COG6: variants seen among roughly 807,000 people sequenced by gnomAD.
COG6 encodes the protein conserved oligomeric Golgi complex subunit 6.
COG6 carries 74 observed loss-of-function variants against 88.8 expected under a neutral mutation model. The ratio of observed to expected loss-of-function variants is 0.83; its 90% CI spans 0.69 to 1.01. The LOEUF (loss-of-function observed/expected upper bound fraction) is 1.01. Among genes scored for constraint, COG6 ranks in the 50% least tolerant of loss-of-function variants. The pLI is 0.00. For synonymous variants in COG6, 286 were observed against 278.7 expected, an observed-to-expected ratio of 1.03 and a Z score of -0.26; for missense variants, 800 against 797.9, an observed-to-expected ratio of 1.00 and a Z score of -0.03.
In COG6 at chr13:39,779,559, A is replaced by G. The variant is rs143664353; in HGVS notation, c.1827-8776A>G. 8.7e-4 allele frequency among the ~76,000 whole-genome samples: 133 copies of G among 152,330 alleles called. 1 individual carries two copies. The highest frequency in any genetic ancestry group is 8.3e-3 in the Admixed American group (127 of 15,298). On this transcript the variant is annotated intron_variant, in intron 18 of 18. Transcript: ENST00000416691. The stretch of plus-strand genomic sequence containing the variant: ...TGCCAGCCAGGCTATGTGACTTCTC[A>G]GGTTCAACATCATGGAGATGAGAAA...
At chr13:39,693,587 A>T (rs1877099765) in intron 11 of COG6, among the ~76,000 whole-genome samples, 1 of 152,002 alleles carries the variant, frequency 6.6e-6, no homozygotes, top group African/African-American at 2.4e-5. Flanking sequence ...ATATTTTTTA[A>T]GTTCAAATGC....
At chr13:39,746,928 G>C (rs1350764921) in intron 18 of COG6, among the ~76,000 whole-genome samples, 2 of 152,044 alleles carry the variant, frequency 1.3e-5, no homozygotes, top group East Asian at 3.8e-4. Flanking sequence ...ATGTATATGT[G>C]ATGTATTTAT....
rs78263812 is a variant in COG6 at position 39,758,379 on chromosome 13, A to C, written c.1827-29956A>C. Among the ~76,000 whole-genome samples the C allele has an allele frequency of 7.7e-4, 117 of 152,294 alleles. 1 individual carries two copies. In the East Asian group the frequency reaches 0.02, roughly 26 times the overall value. On this transcript the variant is annotated intron_variant, in intron 18 of 18. Transcript: ENST00000416691. ...GCAAAATAATAATTTTGGGGCATCA[A>C]GTTCTTCCTTGAAAAACAAAACAAA...
intron 4 of COG6, 72 bp downstream of exon 4, chr13:39,665,226 C>T (rs953908896): frequency 3.7e-6 from 3 of 806,932 alleles, no homozygotes; most frequent in Non-Finnish European, 6.5e-6. Context: ...ATATATAACT[C>T]CAAATCAGAA....
intron 13 of COG6, among the ~76,000 whole-genome samples, chr13:39,718,515 C>T (rs1878661021): frequency 6.6e-6 from 1 of 152,088 alleles, no homozygotes; most frequent in South Asian, 2.1e-4. Flanking sequence ...ATACCTTCTA[C>T]TTAGTAAGTG....
intron 13 of COG6, among the ~76,000 whole-genome samples, chr13:39,705,946 G>T (rs969650283): frequency 1.3e-5 from 2 of 151,720 alleles, no homozygotes; most frequent in African/African-American, 4.8e-5. Flanking sequence ...AGATGATTCT[G>T]CCAGGAAAAA....
Position 39,679,481 on chromosome 13 carries a change from T to C in COG6, c.541-57T>C, listed in dbSNP as rs949162566. 3.1e-6 allele frequency: 3 copies of C among 980,914 alleles called. 1 individual carries two copies. The highest frequency in any genetic ancestry group is 5.0e-6 in the Non-Finnish European group (3 of 602,184). The allele number at this position is 980,914 out of a possible 1,614,324, so 60.8% of individuals were successfully genotyped here. The stretch of plus-strand genomic sequence containing the variant: ...GCCCTTGGTAGTGACCTTTCAGTTT[T>C]AAATAATGCAATTTTGCCTGAAGCA... On this transcript the variant is annotated intron_variant, in intron 5 of 18. Transcript: ENST00000455146.
At chr13:39,730,024 A>G (rs1042865055) in intron 18 of COG6, among the ~76,000 whole-genome samples, 7 of 152,206 alleles carry the variant, frequency 4.6e-5, no homozygotes, top group African/African-American at 1.7e-4. Flanking sequence ...TATTGAAGAC[A>G]ATATTTTAGT....
intron 11 of COG6, among the ~76,000 whole-genome samples, chr13:39,691,673 T>G (rs1301594324): frequency 1.3e-5 from 2 of 151,932 alleles, no homozygotes; most frequent in African/African-American, 4.8e-5. Flanking sequence ...TACAGTATTT[T>G]AAGAATTTTT....
chr13:39,750,953 A>C lies in COG6; in HGVS notation c.1834A>C (p.Ile612Leu), dbSNP rs1880588872. The change falls in exon 19 of 19, where the codon ATC becomes CTC. Residue 612 changes from isoleucine (I) to leucine (L), a missense_variant. By Grantham distance (5) the Ile-to-Leu change is conservative. Coordinates refer to ENST00000455146, the MANE Select transcript of COG6 (RefSeq NM_020751.3). ...TTGTTTGCTTATCAATAGAGAGCAG[A>C]TCGTAAAACAATCTACAGAATTAGT... Reference protein sequence around the residue: ...FLLSATVKEQIVKQSTELVCR... With the variant: ...FLLSATVKEQLVKQSTELVCR... The C allele has an allele frequency of 6.2e-7, 1 of 1,613,372 alleles. No homozygotes were observed. Among genetic ancestry groups the C allele is most frequent in the Non-Finnish European group, 8.5e-7 (1 of 1,179,560 alleles).
chr13:39,759,397 A>T (rs1271743525), intron 18 of COG6, among the ~76,000 whole-genome samples: 1 of 152,138 alleles, frequency 6.6e-6, no homozygotes, highest in Admixed American at 6.5e-5. Flanking sequence ...CCAGTCTTGG[A>T]ATATTTACCA....
intron 13 of COG6, among the ~76,000 whole-genome samples, chr13:39,705,618 A>T (rs554892016): frequency 6.6e-6 from 1 of 152,280 alleles, no homozygotes; most frequent in Non-Finnish European, 1.5e-5. Context: ...TCAAGTTAAT[A>T]GTAGTCAGGA....
rs577638543 is a variant in COG6 at position 39,776,118 on chromosome 13, G to A, written c.1827-12217G>A. On this transcript the variant is annotated intron_variant, in intron 18 of 18. Coordinates refer to the COG6 transcript ENST00000416691. ...CTGATCAGCAAAAAGCTGGAAAAAC[G>A]TAACTATATTTTAAAAGATAAAGAA... Among the ~76,000 whole-genome samples, 4 of 152,224 alleles carry A rather than the reference G, an allele frequency of 2.6e-5. No homozygotes were observed. The East Asian group carries it at 7.7e-4, about 29-fold the overall frequency.
chr13:39,752,562 C>T lies in COG6; in HGVS notation c.*1469C>T. On this transcript the variant is annotated 3_prime_UTR_variant, in exon 19 of 19. Coordinates refer to ENST00000455146, the MANE Select transcript of COG6 (RefSeq NM_020751.3). Reference sequence around the variant, plus strand: ...TTGATACCTTGCTATGAGTGAATTCCTTTGTTTTATAGGGAAAATTTATTG... The same window carrying T: ...TTGATACCTTGCTATGAGTGAATTCTTTTGTTTTATAGGGAAAATTTATTG... The T allele has an allele frequency of 5.6e-6, 7 of 1,253,442 alleles. No homozygotes were observed. Among genetic ancestry groups the T allele is most frequent in the Non-Finnish European group, 6.2e-6 (6 of 963,034 alleles). 77.6% of individuals were successfully genotyped at this position (1,253,442 alleles called of 1,614,324 possible).
At chr13:39,777,864 A>C (rs923369593) in intron 18 of COG6, among the ~76,000 whole-genome samples, 2 of 152,228 alleles carry the variant, frequency 1.3e-5, no homozygotes, top group African/African-American at 4.8e-5. Flanking sequence ...TACTGACAGC[A>C]GTCTAACAGT....
intron 18 of COG6, among the ~76,000 whole-genome samples, chr13:39,783,431 TTC>T (rs1453931029): frequency 1.3e-5 from 2 of 152,210 alleles, no homozygotes; most frequent in Non-Finnish European, 2.9e-5. Context: ...TTCATTTTTG[TTC>T]TGTTTTGTTT....
chr13:39,729,677 T>C (rs1479166530), intron 18 of COG6, among the ~76,000 whole-genome samples: 2 of 152,212 alleles, frequency 1.3e-5, no homozygotes, highest in African/African-American at 2.4e-5. Context: ...CGAGAACTTC[T>C]GTCTATCAGA....
chr13:39,760,351 A>G (rs765683679), intron 18 of COG6, among the ~76,000 whole-genome samples: 1 of 152,148 alleles, frequency 6.6e-6, no homozygotes, highest in Non-Finnish European at 1.5e-5. Context: ...TTAGTATTCC[A>G]CATAGTTGCC....
rs1880618329 is a variant in COG6 at position 39,751,309 on chromosome 13, G to A, written c.*216G>A. ...GTATTGCTGTGTATCTACTCTAAAT[G>A]AGATGATCTATTTTTTTGCTAGCCA... On this transcript the variant is annotated 3_prime_UTR_variant, in exon 19 of 19. Coordinates refer to ENST00000455146, the MANE Select transcript of COG6 (RefSeq NM_020751.3). 1.3e-6 allele frequency: 2 copies of A among 1,492,510 alleles called. No homozygotes were observed. Among genetic ancestry groups the A allele is most frequent in the South Asian group, 1.2e-5 (1 of 82,664 alleles). 92.5% of individuals were successfully genotyped at this position (1,492,510 alleles called of 1,614,324 possible).
Sources: gnomAD v4.1 joint callset for allele counts (sites outside exome capture counted in the v4.1 genomes callset) on GRCh38, gnomAD v4.1.1 for gene constraint, MANE v1.5 for transcripts, NCBI Gene and HGNC (gene_info 2026-07-23, HGNC 2026-07-21) for gene names.